The following RIPK1 variants were observed in gnomAD, a reference collection of about 807,000 sequenced individuals.
RIPK1 encodes receptor-interacting serine/threonine-protein kinase 1.
A neutral mutation model predicts 62.4 loss-of-function variants in RIPK1; 27 were observed. That is an observed-to-expected ratio of 0.43 (90% CI 0.32 to 0.60). The LOEUF is 0.60. RIPK1 is among the 20% of genes least tolerant of loss of function. The pLI is 0.07. For missense variants in RIPK1, 735 were observed against 831.0 expected (o/e 0.88, Z 1.42); for synonymous variants, 287 against 303.2 (o/e 0.95, Z 0.55).
intron 7 of RIPK1, among the ~76,000 whole-genome samples, chr6:3,090,626 GATTTTAATACAC>G (rs1197692883): frequency 4.6e-5 from 7 of 152,116 alleles, no homozygotes; most frequent in Admixed American, 4.6e-4. Flanking sequence ...TAAAACTGAA[GATTTTAATACAC>G]ATCTCTCTTC....
chr6:3,106,073 A>G (rs769119322), intron 9 of RIPK1, 22 bp downstream of exon 9: 52 of 1,505,858 alleles, frequency 3.5e-5, no homozygotes, highest in Non-Finnish European at 4.6e-5. Flanking sequence ...TTCGATAGTC[A>G]CAAGCTTGTC....
Position 3,110,805 on chromosome 6 carries a change from G to C in RIPK1, c.1579G>C (p.Glu527Gln), listed in dbSNP as rs1761115475. 6.4e-7 allele frequency: 1 copy of C among 1,563,344 alleles called. No homozygotes were observed. Among genetic ancestry groups the C allele is most frequent in the Non-Finnish European group, 8.8e-7 (1 of 1,141,396 alleles). ...CCTGTGTGTTTCTCTCTATGCAGATGAATCTATAAAATATACCATATACAA... is the reference window on the plus strand; with the variant it reads ...CCTGTGTGTTTCTCTCTATGCAGATCAATCTATAAAATATACCATATACAA... ...MPFSSLPPTD[E>Q]SIKYTIYNST... Residue 527 changes from glutamate to glutamine, a missense_variant and splice_region_variant, in exon 10 of 11, where the codon GAA becomes CAA. Coordinates refer to ENST00000259808, the MANE Select transcript of RIPK1 (RefSeq NM_001354930.2).
intron 6 of RIPK1, 46 bp downstream of exon 6, chr6:3,085,454 A>G: frequency 6.3e-7 from 1 of 1,593,436 alleles, no homozygotes; most frequent in Non-Finnish European, 8.6e-7. Context: ...CTGTGTGGTG[A>G]TTTTCCTAGT....
At chr6:3,085,618 CCTTT>C (rs767846689) in intron 6 of RIPK1, among the ~76,000 whole-genome samples, 1 of 152,176 alleles carries the variant, frequency 6.6e-6, no homozygotes, top group Non-Finnish European at 1.5e-5. Context: ...CTTCTTGTTT[CCTTT>C]TTTTGTAATT....
rs1331481384 is a variant in RIPK1 at position 3,113,862 on chromosome 6, CAA to C, written c.*525_*526del. On this transcript the variant is annotated 3_prime_UTR_variant, in exon 11 of 11. Transcript: ENST00000259808. This position sits in a 1 kb window ranked among gnomAD's most constrained non-coding sequence, Gnocchi z 5.0. ...TCTTCACGTAGGCTCCTGTTAAAAA[CAA>C]AGTGCAGTCAGATTCTAAGCCCTGT... 2 of 152,920 alleles carry C rather than the reference CAA, an allele frequency of 1.3e-5. No individual in the cohort carries two copies. The highest frequency in any genetic ancestry group is 6.5e-5 in the Admixed American group (1 of 15,430). The allele number at this position is 152,920 out of a possible 1,614,324, so 9.5% of individuals were successfully genotyped here. A position where few individuals can be genotyped will look rare whatever the true frequency, so the allele number is the denominator to read the frequency against.
intron 2 of RIPK1, among the ~76,000 whole-genome samples, chr6:3,077,469 T>C (rs1310942121): frequency 3.9e-5 from 6 of 152,060 alleles, no homozygotes; most frequent in Admixed American, 1.3e-4. Context: ...TTTTTTTTTT[T>C]TAATCGTTCT....
In RIPK1 at chr6:3,106,171, C is replaced by T. The variant is rs9501921; in HGVS notation, c.1576+120C>T. 2.7e-3 allele frequency: 2,048 copies of T among 769,830 alleles called. 34 individuals are homozygous for T. In the African/African-American group the frequency reaches 0.03, roughly 11 times the overall value. 47.7% of individuals were successfully genotyped at this position (769,830 alleles called of 1,614,324 possible). A position where few individuals can be genotyped will look rare whatever the true frequency, so the allele number is the denominator to read the frequency against. On this transcript the variant is annotated intron_variant, in intron 9 of 10. Coordinates refer to ENST00000259808, the MANE Select transcript of RIPK1 (RefSeq NM_001354930.2). Reference sequence around the variant, plus strand: ...GGGGACAGAGGGCATCATCAGCTGCCAGATGCAAATTGCCCCTGTGGAATG... The same window carrying T: ...GGGGACAGAGGGCATCATCAGCTGCTAGATGCAAATTGCCCCTGTGGAATG...
intron 1 of RIPK1, among the ~76,000 whole-genome samples, chr6:3,073,601 G>A (rs1402377264): frequency 6.6e-6 from 1 of 152,024 alleles, no homozygotes; most frequent in Non-Finnish European, 1.5e-5. Flanking sequence ...GTTGTTTCCT[G>A]AGGCACTTCT....
intron 7 of RIPK1, among the ~76,000 whole-genome samples, chr6:3,090,720 C>T (rs1201639463): frequency 2.6e-5 from 4 of 152,006 alleles, no homozygotes; most frequent in African/African-American, 7.3e-5. Flanking sequence ...ACACACTTGA[C>T]GTAACGGAAA....
intron 1 of RIPK1, among the ~76,000 whole-genome samples, chr6:3,073,056 A>G (rs1326738401): frequency 1.3e-5 from 2 of 152,166 alleles, no homozygotes; most frequent in African/African-American, 2.4e-5. Flanking sequence ...GGCCAACCAT[A>G]GCTAGAGACA....
intron 7 of RIPK1, among the ~76,000 whole-genome samples, chr6:3,102,283 T>C (rs1760619117): frequency 6.6e-6 from 1 of 152,178 alleles, no homozygotes. Context: ...TTTCTGATAG[T>C]TCAGTATCCT....
intron 6 of RIPK1, among the ~76,000 whole-genome samples, chr6:3,087,122 A>C (rs753460748): frequency 6.6e-6 from 1 of 152,010 alleles, no homozygotes; most frequent in Non-Finnish European, 1.5e-5. Context: ...CCTTATAGGG[A>C]AGGTGTTATT....
intron 10 of RIPK1, among the ~76,000 whole-genome samples, chr6:3,111,513 T>G (rs79544322): frequency 7.3e-5 from 10 of 136,942 alleles, no homozygotes; most frequent in African/African-American, 2.4e-4. Flanking sequence ...GATTGGCGCT[T>G]TTTTTTTTTT....
At chr6:3,068,445 G>GTCC (rs1206056246), upstream of RIPK1, 2 of 985,296 alleles carry the variant, frequency 2.0e-6, no homozygotes, top group Non-Finnish European at 2.4e-6. Context: ...CGCTCTCGCG[G>GTCC]TCCTCCTCCC....
rs374826907 is a variant in RIPK1, at chr6:3,105,620, C to G, written c.1145C>G (p.Ala382Gly). The G allele has an allele frequency of 1.2e-6, 2 of 1,614,028 alleles. No individual in the cohort carries two copies. The highest frequency in any genetic ancestry group is 1.7e-6 in the Non-Finnish European group (2 of 1,179,966). The stretch of plus-strand genomic sequence containing the variant: ...CTGCAGAGTAAACTCCAAGACGAAG[C>G]CAACTACCATCTTTATGGCAGCCGC... ...PSLQSKLQDEANYHLYGSRMD... is the reference protein window; with the variant it reads ...PSLQSKLQDEGNYHLYGSRMD... The change falls in exon 9 of 11, where the codon GCC becomes GGC. Residue 382 changes from alanine to glycine, a missense_variant. Ala to Gly is a moderately conservative substitution (Grantham distance 60). Coordinates refer to ENST00000259808, the MANE Select transcript of RIPK1 (RefSeq NM_001354930.2). This position sits in a 1 kb window ranked among gnomAD's most constrained non-coding sequence, Gnocchi z 4.5.
At chr6:3,073,585 G>A (rs530070280) in intron 1 of RIPK1, among the ~76,000 whole-genome samples, 52 of 152,076 alleles carry the variant, frequency 3.4e-4, no homozygotes, top group East Asian at 1.2e-3. Context: ...ACGTCCCACC[G>A]ATGTAGTTGT....
Position 3,078,042 on chromosome 6 carries a change from A to C in RIPK1, c.321+107A>C, listed in dbSNP as rs1183898846. The C allele has an allele frequency of 4.5e-6, 5 of 1,116,018 alleles. No homozygotes were observed. The African/African-American group carries it at 6.3e-5, about 14-fold the overall frequency. 69.1% of individuals were successfully genotyped at this position (1,116,018 alleles called of 1,614,324 possible). A position where few individuals can be genotyped will look rare whatever the true frequency, so the allele number is the denominator to read the frequency against. On this transcript the variant is annotated intron_variant, in intron 3 of 10. Coordinates refer to ENST00000259808, the MANE Select transcript of RIPK1 (RefSeq NM_001354930.2). ...GCAGCTCGTTAGCATCAAATTTGCAAATTGCTTGGTAGTTTGAATTTTCTT... is the reference window on the plus strand; with the variant it reads ...GCAGCTCGTTAGCATCAAATTTGCACATTGCTTGGTAGTTTGAATTTTCTT...
At chr6:3,085,496 C>T in intron 6 of RIPK1, 88 bp downstream of exon 6, 1 of 1,398,864 alleles carries the variant, frequency 7.1e-7, no homozygotes, top group Non-Finnish European at 9.9e-7. Flanking sequence ...TTTGAATCCT[C>T]AGAAAACTGA....
rs773663693 is a variant in RIPK1, at chr6:3,110,830, A to G, written c.1604A>G (p.Asn535Ser). Reference sequence around the variant, plus strand: ...GAATCTATAAAATATACCATATACAATAGTACTGGCATTCAGATTGGAGCC... The same window carrying G: ...GAATCTATAAAATATACCATATACAGTAGTACTGGCATTCAGATTGGAGCC... ...TDESIKYTIY[N>S]STGIQIGAYN... is the part of the protein sequence containing the mutation. Residue 535 changes from asparagine (N) to serine (S), a missense_variant, in exon 10 of 11, where the codon AAT (asparagine) becomes AGT (serine). Coordinates refer to ENST00000259808, the MANE Select transcript of RIPK1 (RefSeq NM_001354930.2). 6.3e-7 allele frequency: 1 copy of G among 1,587,530 alleles called. No individual in the cohort carries two copies. Among genetic ancestry groups the G allele is most frequent in the East Asian group, 2.2e-5 (1 of 44,718 alleles).
Sources: gnomAD v4.1 joint callset for allele counts (sites outside exome capture counted in the v4.1 genomes callset) on GRCh38, gnomAD v4.1.1 for gene constraint, Gnocchi (gnomAD v3.1) non-coding constraint, MANE v1.5 for transcripts, NCBI Gene and HGNC (gene_info 2026-07-23, HGNC 2026-07-21) for gene names.